Variants in ROBO3 observed in about 807,000 individuals in gnomAD.
The protein encoded by ROBO3 is roundabout homolog 3.
Under a neutral mutation model 160.5 loss-of-function variants are expected in ROBO3, and 97 were observed. The ratio of observed to expected loss-of-function variants is 0.60; its 90% CI spans 0.51 to 0.72. The LOEUF is 0.72. ROBO3 is among the 30% of genes least tolerant of loss of function. The pLI, the probability that ROBO3 is intolerant of heterozygous loss-of-function variation, is 0.00. For missense variants in ROBO3, 1,858 were observed against 1,846.5 expected (o/e 1.01, Z -0.11); for synonymous variants, 780 against 746.2 (o/e 1.05, Z -0.74).
At chr11:124,881,171 A>G (rs1946573191) in intron 27 of ROBO3, 68 bp from the exon 28 acceptor site, 3 of 1,516,792 alleles carry the variant, frequency 2.0e-6, no homozygotes, top group Non-Finnish European at 2.7e-6. Flanking sequence ...AGAAAGCCTG[A>G]GCCCTTCCTG....
intron 5 of ROBO3, 57 bp downstream of exon 5, chr11:124,870,360 C>A: frequency 6.4e-7 from 1 of 1,563,426 alleles, no homozygotes; most frequent in South Asian, 1.2e-5. Context: ...GACTATTCTG[C>A]CCTAGAAAAC....
chr11:124,880,008 C>T (rs1215619908), intron 26 of ROBO3, 60 bp downstream of exon 26: 2 of 1,464,478 alleles, frequency 1.4e-6, no homozygotes, highest in Non-Finnish European at 1.8e-6. Flanking sequence ...GGCTTTGGGA[C>T]TGGGGGCTGA....
Position 124,876,744 on chromosome 11 carries a change from T to G in ROBO3, c.2779+284T>G. ...ACCATCTCCATAAAGAAGGGGCAAGTTCGAGGACGGAAAGCCCACTCAAAG... is the reference window on the plus strand; with the variant it reads ...ACCATCTCCATAAAGAAGGGGCAAGGTCGAGGACGGAAAGCCCACTCAAAG... On this transcript the variant is annotated intron_variant, in intron 17 of 27. Coordinates refer to ENST00000397801, the MANE Select transcript of ROBO3 (RefSeq NM_022370.4). The surrounding 1 kb of genome is among the most constrained non-coding windows in gnomAD (Gnocchi z 5.3). The G allele has an allele frequency of 7.6e-6, 2 of 261,970 alleles. No individual in the cohort carries two copies. Among genetic ancestry groups the G allele is most frequent in the Non-Finnish European group, 1.4e-5 (2 of 138,148 alleles). 16.2% of individuals were successfully genotyped at this position (261,970 alleles called of 1,614,324 possible).
intron 1 of ROBO3, 180 bp from the exon 2 acceptor site, chr11:124,868,622 G>A (rs1946234774): frequency 1.4e-6 from 1 of 727,534 alleles, no homozygotes; most frequent in Admixed American, 2.0e-5. Context: ...GAGGAACGCG[G>A]AACGTCTGCC....
In ROBO3 at chr11:124,873,908, G is replaced by A; in HGVS notation, c.1784+46G>A. ...GCAAACCTGGAGAGTTAAAAGGAGG[G>A]GATCCTATGCCCTTAGGGTCTTTGC... On this transcript the variant is annotated intron_variant, in intron 11 of 27. Coordinates refer to ENST00000397801, the MANE Select transcript of ROBO3 (RefSeq NM_022370.4). This position sits in a 1 kb window ranked among gnomAD's most constrained non-coding sequence, Gnocchi z 4.5. 1 of 1,608,128 alleles carries A rather than the reference G, an allele frequency of 6.2e-7. No homozygotes were observed. Among genetic ancestry groups the A allele is most frequent in the Non-Finnish European group, 8.5e-7 (1 of 1,175,660 alleles).
chr11:124,876,653 G>A lies in ROBO3; in HGVS notation c.2779+193G>A. On this transcript the variant is annotated intron_variant, in intron 17 of 27. Coordinates refer to ENST00000397801, the MANE Select transcript of ROBO3 (RefSeq NM_022370.4). This position sits in a 1 kb window ranked among gnomAD's most constrained non-coding sequence, Gnocchi z 5.3. ...CTGCCAGGACTAGGGAGGGCTGCGG[G>A]CCAAGACGGGGCGGGATCTGGATGA... 2.0e-6 allele frequency: 1 copy of A among 507,376 alleles called. No homozygotes were observed. The highest frequency in any genetic ancestry group is 3.2e-5 in the East Asian group (1 of 30,820). The allele number at this position is 507,376 out of a possible 1,614,324, so 31.4% of individuals were successfully genotyped here.
At chr11:124,870,460 T>C (rs1443911623) in intron 5 of ROBO3, 141 bp from the exon 6 acceptor site, 6 of 1,459,874 alleles carry the variant, frequency 4.1e-6, no homozygotes, top group Non-Finnish European at 5.6e-6. Context: ...CCACCTCCAT[T>C]GATGGGTCCA....
chr11:124,872,617 T>C lies in ROBO3; in HGVS notation c.1330+65T>C. 1 of 1,483,030 alleles carries C rather than the reference T, an allele frequency of 6.7e-7. No individual in the cohort carries two copies. Among genetic ancestry groups the C allele is most frequent in the Non-Finnish European group, 9.2e-7 (1 of 1,082,212 alleles). The allele number at this position is 1,483,030 out of a possible 1,614,324, so 91.9% of individuals were successfully genotyped here. A position where few individuals can be genotyped will look rare whatever the true frequency, so the allele number is the denominator to read the frequency against. On this transcript the variant is annotated intron_variant, in intron 8 of 27. Coordinates refer to ENST00000397801, the MANE Select transcript of ROBO3 (RefSeq NM_022370.4). This position sits in a 1 kb window ranked among gnomAD's most constrained non-coding sequence, Gnocchi z 4.3. ...GAGGAAATAATGGCCTAAAGTGATG[T>C]GTTTCTCTTGGAGTCTATATACTAT... is the stretch of plus-strand genomic sequence containing the variant.
At position 124,877,521 on chromosome 11, in the gene ROBO3, C is replaced by G. The variant is rs773697013; in HGVS notation, c.2849C>G (p.Pro950Arg). 81 of 1,601,246 alleles carry G rather than the reference C, an allele frequency of 5.1e-5. No individual in the cohort carries two copies. In the Admixed American group the frequency reaches 1.4e-3, roughly 27 times the overall value. ...SEGLSGASSR[P>R]PMGLGPAPYS... ...AACGCTCACCTGCTCTCCCTCAGGC[C>G]ACCCATGGGCCTTGGCCCCGCCCCC... Residue 950 changes from proline to arginine, a missense_variant and splice_region_variant, in exon 20 of 28, where the codon CCA becomes CGA. Physicochemically the swap from Pro to Arg is moderately radical, Grantham distance 103. Coordinates refer to ENST00000397801, the MANE Select transcript of ROBO3 (RefSeq NM_022370.4).
chr11:124,869,725 A>G lies in ROBO3; in HGVS notation c.645+118A>G. ...TAACCAGAGACTAAGAGTCAGCTAT[A>G]CAGTGAGGGATAAGGAAGACGGAAT... is the stretch of plus-strand genomic sequence containing the variant. On this transcript the variant is annotated intron_variant, in intron 3 of 27. Transcript: ENST00000397801. This position sits in a 1 kb window ranked among gnomAD's most constrained non-coding sequence, Gnocchi z 4.2. 9 of 1,296,536 alleles carry G rather than the reference A, an allele frequency of 6.9e-6. No individual in the cohort carries two copies. In the South Asian group the frequency reaches 1.3e-4, roughly 19 times the overall value. 80.3% of individuals were successfully genotyped at this position (1,296,536 alleles called of 1,614,324 possible).
At position 124,872,055 on chromosome 11, in the gene ROBO3, T is replaced by C. The variant is rs1946285353; in HGVS notation, c.1159-326T>C. On this transcript the variant is annotated intron_variant, in intron 7 of 27. Coordinates refer to ENST00000397801, the MANE Select transcript of ROBO3 (RefSeq NM_022370.4). This position sits in a 1 kb window ranked among gnomAD's most constrained non-coding sequence, Gnocchi z 4.3. ...ACCACAACGTGTTAGAAGACTTTCA[T>C]ATGATTACTTCATGTGATCTTTATA... 6.6e-6 allele frequency among the ~76,000 whole-genome samples: 1 copy of C among 152,224 alleles called. No homozygotes were observed. Among genetic ancestry groups the C allele is most frequent in the Non-Finnish European group, 1.5e-5 (1 of 68,042 alleles).
intron 23 of ROBO3, 140 bp from the exon 24 acceptor site, chr11:124,879,050 C>T: frequency 9.8e-7 from 1 of 1,025,024 alleles, no homozygotes; most frequent in South Asian, 1.6e-5. Flanking sequence ...CCTTATGCTT[C>T]TCTAGCTTGG....
At chr11:124,880,764 G>C (rs906029117) in intron 27 of ROBO3, among the ~76,000 whole-genome samples, 156 bp downstream of exon 27, 1 of 152,176 alleles carries the variant, frequency 6.6e-6, no homozygotes, top group Non-Finnish European at 1.5e-5. Flanking sequence ...CTGTAGAAGT[G>C]ACAAGGGGAC....
Position 124,879,304 on chromosome 11 carries a change from C to A in ROBO3, c.3648C>A (p.Ser1216Arg). The change falls in exon 24 of 28, where the codon AGC (serine) becomes AGA (arginine). Residue 1216 changes from serine (S) to arginine (R), a missense_variant. By Grantham distance (110) the Ser-to-Arg change is moderately radical (BLOSUM62 -1). Coordinates refer to ENST00000397801, the MANE Select transcript of ROBO3 (RefSeq NM_022370.4). ...GCCCTGCAGCCTCACCCCACCTCAGCCCCAGTCCTGCCCCTAGCACAGCCA... is the reference window on the plus strand; with the variant it reads ...GCCCTGCAGCCTCACCCCACCTCAGACCCAGTCCTGCCCCTAGCACAGCCA... ...GAGPAASPHLSPSPAPSTASS... is the reference protein window; with the variant it reads ...GAGPAASPHLRPSPAPSTASS... 1 of 1,607,456 alleles carries A rather than the reference C, an allele frequency of 6.2e-7. No individual in the cohort carries two copies. Among genetic ancestry groups the A allele is most frequent in the Non-Finnish European group, 8.5e-7 (1 of 1,177,378 alleles).
rs1946285968 is a variant in ROBO3, at chr11:124,872,098, A to T, written c.1159-283A>T. ...TCTTTATAACTATCCTCTAGAAGTC[A>T]AATTTGGGAAATTGGGGCTCAGGCA... On this transcript the variant is annotated intron_variant, in intron 7 of 27. Coordinates refer to ENST00000397801, the MANE Select transcript of ROBO3 (RefSeq NM_022370.4). The surrounding 1 kb of genome is among the most constrained non-coding windows in gnomAD (Gnocchi z 4.3). 6.6e-6 allele frequency among the ~76,000 whole-genome samples: 1 copy of T among 152,250 alleles called. No individual in the cohort carries two copies. The highest frequency in any genetic ancestry group is 1.5e-5 in the Non-Finnish European group (1 of 68,044).
chr11:124,880,469 G>C lies in ROBO3; in HGVS notation c.4010G>C (p.Gly1337Ala). ...CCAAGCTTCCTGTCCCGGGGCCAGG[G>C]CACCAGCACATGTTCCACGGCCGGC... ...SRPSFLSRGQGTSTCSTAGSN... is the reference protein window; with the variant it reads ...SRPSFLSRGQATSTCSTAGSN... The change falls in exon 27 of 28, where the codon GGC becomes GCC. Residue 1337 changes from glycine (G) to alanine (A), a missense_variant. By Grantham distance (60) the Gly-to-Ala change is moderately conservative. Transcript: ENST00000397801. 6.2e-7 allele frequency: 1 copy of C among 1,610,366 alleles called. No homozygotes were observed. Among genetic ancestry groups the C allele is most frequent in the South Asian group, 1.1e-5 (1 of 90,068 alleles).
In ROBO3 at chr11:124,873,991, C is replaced by T; in HGVS notation, c.1785-79C>T. 1 of 1,592,302 alleles carries T rather than the reference C, an allele frequency of 6.3e-7. No individual in the cohort carries two copies. Among genetic ancestry groups the T allele is most frequent in the Admixed American group, 1.7e-5 (1 of 59,814 alleles). ...GCAAGGGGAAGACATAATGGTCGTT[C>T]ATAGAGAGTGGATGAGATGGAGTAG... is the stretch of plus-strand genomic sequence containing the variant. On this transcript the variant is annotated intron_variant, in intron 11 of 27. Coordinates refer to ENST00000397801, the MANE Select transcript of ROBO3 (RefSeq NM_022370.4). This position sits in a 1 kb window ranked among gnomAD's most constrained non-coding sequence, Gnocchi z 4.5.
rs754487081 is a variant in ROBO3, at chr11:124,879,457, C to T, written c.3686-8C>T. 3 of 1,613,194 alleles carry T rather than the reference C, an allele frequency of 1.9e-6. No individual in the cohort carries two copies. Among genetic ancestry groups the T allele is most frequent in the South Asian group, 2.2e-5 (2 of 90,976 alleles). ...ACCCATTCCTCTTCCCGTCTCCTAA[C>T]ACTGCAGGCAGAACCTGGCAGGGGA... On this transcript the variant is annotated splice_polypyrimidine_tract_variant and splice_region_variant and intron_variant, in intron 24 of 27. Coordinates refer to ENST00000397801, the MANE Select transcript of ROBO3 (RefSeq NM_022370.4).
rs749528730 is a variant in ROBO3, at chr11:124,870,214, T to A, written c.816T>A (p.Asp272Glu). Reference sequence around the variant, plus strand: ...CAGTGAATCAGGTGGTCCTGGCTGATGCCCCTGTGACTTTCCTATGTGAGG... The same window carrying A: ...CAGTGAATCAGGTGGTCCTGGCTGAAGCCCCTGTGACTTTCCTATGTGAGG... ...RRPVNQVVLA[D>E]APVTFLCEVK... Residue 272 changes from aspartate to glutamate, a missense_variant, in exon 5 of 28, where the codon GAT becomes GAA. Physicochemically the swap from Asp to Glu is conservative, Grantham distance 45. Coordinates refer to ENST00000397801, the MANE Select transcript of ROBO3 (RefSeq NM_022370.4). 6.2e-7 allele frequency: 1 copy of A among 1,613,932 alleles called. No homozygotes were observed. Among genetic ancestry groups the A allele is most frequent in the Non-Finnish European group, 8.5e-7 (1 of 1,179,902 alleles).
Sources: gnomAD v4.1 joint callset for allele counts (sites outside exome capture counted in the v4.1 genomes callset) on GRCh38, gnomAD v4.1.1 for gene constraint, Gnocchi (gnomAD v3.1) non-coding constraint, MANE v1.5 for transcripts, NCBI Gene and HGNC (gene_info 2026-07-23, HGNC 2026-07-21) for gene names.